FOXO3: variants seen among roughly 807,000 people sequenced by gnomAD.
FOXO3 encodes the protein forkhead box protein O3.
In FOXO3, 4 loss-of-function variants were observed where a neutral mutation model predicts 41.9. The observed-to-expected ratio is 0.10, with a 90% confidence interval of 0.05 to 0.22. The LOEUF (loss-of-function observed/expected upper bound fraction) is 0.22. Ranked by LOEUF, FOXO3 falls within the 10% of genes least tolerant of loss-of-function variation. The probability of loss-of-function intolerance (pLI) is 1.00; values close to 1 mark genes in which losing one functional copy is unlikely to be tolerated. For missense variants in FOXO3, 534 were observed against 906.8 expected (o/e 0.59, Z 5.28); for synonymous variants, 318 against 389.3 (o/e 0.82, Z 2.16).
At chr6:108,575,347 C>T (rs1776233194) in intron 1 of FOXO3, among the ~76,000 whole-genome samples, 1 of 150,686 alleles carries the variant, frequency 6.6e-6, no homozygotes, top group Non-Finnish European at 1.5e-5. Context: ...ACCTTCCCCC[C>T]TTTTCTTCCT....
chr6:108,618,086 T>C, intron 1 of FOXO3: 1 of 759,640 alleles, frequency 1.3e-6, no homozygotes, highest in East Asian at 2.5e-5. Flanking sequence ...TCTTTTTCAT[T>C]GATTTGGTTG....
intron 1 of FOXO3, among the ~76,000 whole-genome samples, chr6:108,633,205 G>A (rs1419491530): frequency 6.6e-6 from 1 of 152,140 alleles, no homozygotes; most frequent in Non-Finnish European, 1.5e-5. Context: ...AGGCAGTAGT[G>A]TTTATTCTCA....
chr6:108,579,667 A>G (rs1490184497), intron 1 of FOXO3, among the ~76,000 whole-genome samples: 2 of 152,062 alleles, frequency 1.3e-5, no homozygotes, highest in Admixed American at 1.3e-4. Flanking sequence ...CTCTGCTTGC[A>G]TGTTCTGGGG....
intron 1 of FOXO3, among the ~76,000 whole-genome samples, chr6:108,572,365 G>C (rs1027620777): frequency 1.8e-4 from 28 of 152,180 alleles, no homozygotes; most frequent in Non-Finnish European, 3.2e-4. Context: ...AAATCTCTCT[G>C]GAGTCCCCTC....
chr6:108,603,800 G>A (rs1283730369), intron 1 of FOXO3, among the ~76,000 whole-genome samples: 2 of 151,960 alleles, frequency 1.3e-5, no homozygotes, highest in Non-Finnish European at 2.9e-5. Context: ...GGCAGTAGAA[G>A]GCCCTGAGAA....
intron 1 of FOXO3, among the ~76,000 whole-genome samples, chr6:108,598,073 A>G (rs1167057965): frequency 2.0e-5 from 3 of 152,162 alleles, no homozygotes; most frequent in Non-Finnish European, 4.4e-5. Context: ...AATTCCTCTC[A>G]CGGAGTTTGA....
At chr6:108,572,515 G>A (rs750379552) in intron 1 of FOXO3, among the ~76,000 whole-genome samples, 1 of 152,200 alleles carries the variant, frequency 6.6e-6, no homozygotes, top group Non-Finnish European at 1.5e-5. Flanking sequence ...TGTCCTCACA[G>A]AAACAGCAGC....
chr6:108,652,891 C>T (rs1297749279), intron 1 of FOXO3, among the ~76,000 whole-genome samples: 2 of 152,158 alleles, frequency 1.3e-5, no homozygotes, highest in Admixed American at 6.5e-5. Context: ...GGCCCCATGG[C>T]ATCCCATGAC....
chr6:108,605,165 C>T (rs1777161094), intron 1 of FOXO3, among the ~76,000 whole-genome samples: 1 of 152,134 alleles, frequency 6.6e-6, no homozygotes, highest in Non-Finnish European at 1.5e-5. Context: ...GTCACCCAGG[C>T]TGGAGTGCAG....
Position 108,561,843 on chromosome 6 carries a change from C to A in FOXO3, c.621+14C>A. 6.6e-7 allele frequency: 1 copy of A among 1,525,722 alleles called. No homozygotes were observed. The highest frequency in any genetic ancestry group is 8.8e-7 in the Non-Finnish European group (1 of 1,136,962). 94.5% of individuals were successfully genotyped at this position (1,525,722 alleles called of 1,614,324 possible). A position where few individuals can be genotyped will look rare whatever the true frequency, so the allele number is the denominator to read the frequency against. On this transcript the variant is annotated intron_variant, in intron 1 of 2. Coordinates refer to ENST00000406360, the MANE Select transcript of FOXO3 (RefSeq NM_001455.4). The stretch of plus-strand genomic sequence containing the variant: ...GCCGGCTGGAAGGTGCGTACCCACC[C>A]CGGGCTGGCAGCAGGACCCGCCGGG...
At chr6:108,636,944 C>T (rs891362289) in intron 1 of FOXO3, among the ~76,000 whole-genome samples, 2 of 152,120 alleles carry the variant, frequency 1.3e-5, no homozygotes, top group South Asian at 2.1e-4. Flanking sequence ...CCCCCTGTTC[C>T]GAATAAGGAG....
chr6:108,683,910 GGAAGT>G lies in FOXO3; in HGVS notation c.*4124_*4128del, dbSNP rs367586760. The G allele has an allele frequency of 3.8e-3, 585 of 152,682 alleles. 2 individuals carry two copies. Among genetic ancestry groups the G allele is most frequent in the African/African-American group, 0.014 (566 of 41,564 alleles). 9.5% of individuals were successfully genotyped at this position (152,682 alleles called of 1,614,324 possible). On this transcript the variant is annotated 3_prime_UTR_variant, in exon 3 of 3. Transcript: ENST00000406360. ...ACCGGGGAGGCAGAGTACTACTAGA[GGAAGT>G]GAAGTTCTGATGGAATCATGCCTGT...
chr6:108,577,005 G>C (rs1776281374), intron 1 of FOXO3, among the ~76,000 whole-genome samples: 1 of 152,124 alleles, frequency 6.6e-6, no homozygotes, highest in South Asian at 2.1e-4. Context: ...TGGTTACTGG[G>C]AGGATGATTG....
chr6:108,631,875 C>T (rs1777985248), intron 1 of FOXO3, among the ~76,000 whole-genome samples: 1 of 152,194 alleles, frequency 6.6e-6, no homozygotes. Flanking sequence ...TATTATGTCT[C>T]TTAATCAAGG....
chr6:108,655,089 C>T (rs978258481), intron 1 of FOXO3, among the ~76,000 whole-genome samples: 2 of 152,186 alleles, frequency 1.3e-5, no homozygotes, highest in African/African-American at 4.8e-5. Context: ...TCCATTCCTT[C>T]CTTCTTTGGC....
intron 1 of FOXO3, among the ~76,000 whole-genome samples, chr6:108,621,873 A>C (rs999831849): frequency 2.0e-5 from 3 of 152,150 alleles, no homozygotes; most frequent in African/African-American, 7.2e-5. Flanking sequence ...TCTCGTGCAG[A>C]CATGTTCATG....
chr6:108,614,879 G>A (rs1777451567), intron 1 of FOXO3, among the ~76,000 whole-genome samples: 1 of 151,758 alleles, frequency 6.6e-6, no homozygotes, highest in Admixed American at 6.6e-5. Context: ...AGGTGGTTTT[G>A]TTTGGTTTTA....
chr6:108,670,324 C>T (rs148771265), intron 2 of FOXO3, among the ~76,000 whole-genome samples: 1 of 152,064 alleles, frequency 6.6e-6, no homozygotes, highest in African/African-American at 2.4e-5. Context: ...TTGCTTTCCC[C>T]AATCCTCCAA....
chr6:108,665,354 T>C (rs892938664), intron 2 of FOXO3, among the ~76,000 whole-genome samples: 3 of 152,176 alleles, frequency 2.0e-5, no homozygotes, highest in Non-Finnish European at 2.9e-5. Context: ...TTACATGTTC[T>C]TCATCTTTTT....
Sources: allele counts gnomAD v4.1 joint callset (sites outside exome capture counted in the v4.1 genomes callset), GRCh38; gene constraint gnomAD v4.1.1; transcripts MANE v1.5; gene names NCBI Gene and HGNC (gene_info 2026-07-23, HGNC 2026-07-21).